The following DHX29 variants were observed in gnomAD, a reference collection of about 807,000 sequenced individuals.
The protein encoded by DHX29 is ATP-dependent RNA helicase DHX29.
DHX29 carries 79 observed loss-of-function variants against 167.9 expected under a neutral mutation model. That is an observed-to-expected ratio of 0.47 (90% CI 0.39 to 0.57). The LOEUF (loss-of-function observed/expected upper bound fraction) is 0.57. DHX29 is among the 20% of genes least tolerant of loss of function. DHX29 has a pLI of 0.00. For synonymous variants in DHX29, 530 were observed against 546.0 expected, an observed-to-expected ratio of 0.97 and a Z score of 0.41; for missense variants, 1,347 against 1,593.4, an observed-to-expected ratio of 0.85 and a Z score of 2.63.
intron 24 of DHX29, 119 bp downstream of exon 24, chr5:55,262,511 C>T (rs1695480469): frequency 3.0e-6 from 4 of 1,313,380 alleles, no homozygotes; most frequent in Non-Finnish European, 4.2e-6. Context: ...CAAATATTAA[C>T]AAAAATGAAT....
At chr5:55,278,762 G>A (rs950537674) in intron 12 of DHX29, among the ~76,000 whole-genome samples, 7 of 152,176 alleles carry the variant, frequency 4.6e-5, no homozygotes, top group Non-Finnish European at 8.8e-5. Flanking sequence ...GAAAAAAGCC[G>A]TCATGTCAAG....
chr5:55,286,462 A>C (rs1747735843), intron 8 of DHX29, among the ~76,000 whole-genome samples: 1 of 152,220 alleles, frequency 6.6e-6, no homozygotes, highest in African/African-American at 2.4e-5. Context: ...AACATTTGGA[A>C]GGCTACTCTG....
intron 8 of DHX29, among the ~76,000 whole-genome samples, chr5:55,287,111 G>A (rs1185520078): frequency 1.3e-5 from 2 of 152,196 alleles, no homozygotes; most frequent in Admixed American, 6.5e-5. Flanking sequence ...GGAAAAGGCA[G>A]AGACTAGGTT....
Position 55,258,975 on chromosome 5 carries a change from T to TAC in DHX29, c.4057+871_4057+872dup, listed in dbSNP as rs535881156. ...AAACCTAACAGAAAGTCCCTAATCA[T>TAC]ACACACACACACAAATACATATATA... On this transcript the variant is annotated intron_variant, in intron 26 of 26. Coordinates refer to ENST00000251636, the MANE Select transcript of DHX29 (RefSeq NM_019030.4). Among the ~76,000 whole-genome samples the TAC allele has an allele frequency of 1.2e-3, 182 of 152,068 alleles. 1 individual carries two copies. The highest frequency in any genetic ancestry group is 4.5e-3 in the Admixed American group (68 of 15,256).
chr5:55,296,565 T>A (rs1748331937), intron 3 of DHX29, among the ~76,000 whole-genome samples: 1 of 152,176 alleles, frequency 6.6e-6, no homozygotes, highest in Admixed American at 6.5e-5. Context: ...ATCCATATTC[T>A]CACTATCCAA....
In DHX29 at chr5:55,289,344, A is replaced by C; in HGVS notation, c.992T>G (p.Val331Gly). The C allele has an allele frequency of 6.2e-7, 1 of 1,602,432 alleles. No individual in the cohort carries two copies. Among genetic ancestry groups the C allele is most frequent in the South Asian group, 1.1e-5 (1 of 88,276 alleles). The change falls in exon 8 of 27, where the codon GTA becomes GGA. Residue 331 changes from valine to glycine, a missense_variant. Around this residue, in one of 3 missense-constraint regions of DHX29, gnomAD observed 405 missense variants for 416.8 expected, o/e 0.97. Transcript: ENST00000251636. ...HQQNERKKPP[V>G]ATEGESALNF... is the part of the protein sequence containing the mutation. ...CAATGCACTTTCTCCTTCTGTGGCT[A>C]CAGGAGGCTTTTTCCTTTCATTTTG...
chr5:55,265,194 C>T (rs1746498695), intron 23 of DHX29, among the ~76,000 whole-genome samples: 1 of 149,552 alleles, frequency 6.7e-6, no homozygotes, highest in Non-Finnish European at 1.5e-5. Flanking sequence ...TTAAATAATA[C>T]CACAAGGATA....
rs764214839 is a variant in DHX29, at chr5:55,262,775, A to T, written c.3683T>A (p.Val1228Glu). Residue 1228 changes from valine (V) to glutamate (E), a missense_variant, in exon 24 of 27, where the codon GTG becomes GAG. Transcript: ENST00000251636. ...TGACTTTGTATAGATTATCTTCCCCACATTGTCATACAGTCCAGCCACCAG... is the reference window on the plus strand; with the variant it reads ...TGACTTTGTATAGATTATCTTCCCCTCATTGTCATACAGTCCAGCCACCAG... ...AVLVAGLYDN[V>E]GKIIYTKSVD... 1 of 1,614,054 alleles carries T rather than the reference A, an allele frequency of 6.2e-7. No homozygotes were observed.
Position 55,289,438 on chromosome 5 carries a change from A to G in DHX29, c.908-10T>C. The G allele has an allele frequency of 2.0e-6, 3 of 1,518,924 alleles. No homozygotes were observed. Among genetic ancestry groups the G allele is most frequent in the Non-Finnish European group, 2.6e-6 (3 of 1,145,184 alleles). 94.1% of individuals were successfully genotyped at this position (1,518,924 alleles called of 1,614,324 possible). A position where few individuals can be genotyped will look rare whatever the true frequency, so the allele number is the denominator to read the frequency against. ...TCTAAAGTTTCCATTTCTACCAAGA[A>G]AAAAATATAATGTTTAGTTTCATGG... On this transcript the variant is annotated splice_polypyrimidine_tract_variant and intron_variant, in intron 7 of 26. Coordinates refer to ENST00000251636, the MANE Select transcript of DHX29 (RefSeq NM_019030.4).
Position 55,261,499 on chromosome 5 carries a change from T to G in DHX29, c.3829A>C (p.Ile1277Leu). The change falls in exon 25 of 27, where the codon ATA (isoleucine) becomes CTA (leucine). Residue 1277 changes from isoleucine (I) to leucine (L), a missense_variant and splice_region_variant. By Grantham distance (5) the Ile-to-Leu change is conservative. Transcript: ENST00000251636. ...CTCAAATACACTCTGGCATACCTTA[T>G]CTACATGGGAAAAAGGGGGGAAAAT... ...THGWLLYQEK[I>L]RYARVYLRET... 1 of 1,549,976 alleles carries G rather than the reference T, an allele frequency of 6.5e-7. No individual in the cohort carries two copies. The highest frequency in any genetic ancestry group is 1.7e-4 in the Middle Eastern group (1 of 5,944).
chr5:55,297,254 A>T (rs1241252626), intron 3 of DHX29, 31 bp downstream of exon 3: 2 of 1,045,596 alleles, frequency 1.9e-6, no homozygotes, highest in Non-Finnish European at 3.0e-6. Flanking sequence ...CTTCACTAAA[A>T]CTAAGGAACT....
In DHX29 at chr5:55,295,369, C is replaced by A; in HGVS notation, c.651+10G>T. 1 of 1,597,898 alleles carries A rather than the reference C, an allele frequency of 6.3e-7. No individual in the cohort carries two copies. Among genetic ancestry groups the A allele is most frequent in the African/African-American group, 1.3e-5 (1 of 74,588 alleles). On this transcript the variant is annotated intron_variant, in intron 5 of 26. Transcript: ENST00000251636. ...TTTATACAACTTTAAATGCTTAATT[C>A]TCAAATTACCTTACTCTTAGGGTCC...
intron 8 of DHX29, among the ~76,000 whole-genome samples, chr5:55,287,911 T>A (rs1453153658): frequency 2.1e-5 from 3 of 143,422 alleles, no homozygotes; most frequent in African/African-American, 7.9e-5. Flanking sequence ...ATTGTGCTAC[T>A]GCACTCCAGC....
intron 23 of DHX29, among the ~76,000 whole-genome samples, chr5:55,266,588 C>T (rs989634593): frequency 1.3e-5 from 2 of 150,320 alleles, no homozygotes; most frequent in Non-Finnish European, 2.9e-5. Context: ...ACTTCTAATT[C>T]CCAAGATAGT....
intron 6 of DHX29, among the ~76,000 whole-genome samples, chr5:55,291,235 C>T (rs972616582): frequency 3.3e-5 from 5 of 152,068 alleles, no homozygotes; most frequent in Non-Finnish European, 7.4e-5. Context: ...TGTTTTTCTC[C>T]CCCTTAGGTT....
Position 55,272,037 on chromosome 5 carries a change from C to A in DHX29, c.2864+50G>T, listed in dbSNP as rs202052512. ...ATTTCTCCCAAGAATTCAAGAGCCC[C>A]AACCTCTTTCCAGGTTAAAAATGTT... On this transcript the variant is annotated intron_variant, in intron 18 of 26. Coordinates refer to ENST00000251636, the MANE Select transcript of DHX29 (RefSeq NM_019030.4). 3 of 1,096,478 alleles carry A rather than the reference C, an allele frequency of 2.7e-6. No individual in the cohort carries two copies. The East Asian group carries it at 7.6e-5, about 28-fold the overall frequency. 67.9% of individuals were successfully genotyped at this position (1,096,478 alleles called of 1,614,324 possible).
At chr5:55,273,942 C>T (rs1219316399) in intron 16 of DHX29, among the ~76,000 whole-genome samples, 1 of 151,960 alleles carries the variant, frequency 6.6e-6, no homozygotes, top group Non-Finnish European at 1.5e-5. Context: ...TAAAAATTAG[C>T]TGGGCGTGGT....
At chr5:55,306,295 C>G (rs1233291382) in intron 1 of DHX29, among the ~76,000 whole-genome samples, 1 of 152,168 alleles carries the variant, frequency 6.6e-6, no homozygotes, top group East Asian at 1.9e-4. Context: ...CAAGCTCTTT[C>G]CTGACTCAAA....
At chr5:55,293,893 A>G in intron 6 of DHX29, 124 bp downstream of exon 6, 2 of 1,032,954 alleles carry the variant, frequency 1.9e-6, no homozygotes, top group East Asian at 2.8e-5. Context: ...ATTTTATTTA[A>G]TCTTCACATC....
Sources: allele counts gnomAD v4.1 joint callset (sites outside exome capture counted in the v4.1 genomes callset), GRCh38; gene constraint gnomAD v4.1.1; regional missense constraint gnomAD v4.1.1; transcripts MANE v1.5; gene names NCBI Gene and HGNC (gene_info 2026-07-23, HGNC 2026-07-21).